RNLS: variants seen among roughly 807,000 people sequenced by gnomAD.
RNLS encodes the protein renalase, FAD dependent amine oxidase.
Under a neutral mutation model 39.8 loss-of-function variants are expected in RNLS, and 39 were observed. The observed-to-expected ratio is 0.98, with a 90% CI of 0.76 to 1.28. The LOEUF is 1.28. RNLS is among the 50% of genes most tolerant of loss of function. The probability of loss-of-function intolerance (pLI) is 0.00; values close to 1 mark genes in which losing one functional copy is unlikely to be tolerated. For synonymous variants in RNLS, 147 were observed against 150.7 expected, an observed-to-expected ratio of 0.98 and a Z score of 0.18; for missense variants, 410 against 413.3, an observed-to-expected ratio of 0.99 and a Z score of 0.07.
At chr10:88,241,145 G>A in the RNLS span, among the ~76,000 whole-genome samples, 193 of 149,972 alleles carry the variant, frequency 1.3e-3, 1 homozygote, top group Admixed American at 3.0e-3. Flanking sequence ...GTACTTTTCC[G>A]GGTTTGACAT....
intron 4 of RNLS, among the ~76,000 whole-genome samples, chr10:88,384,029 T>C (rs754947420): frequency 2.0e-5 from 3 of 152,178 alleles, no homozygotes; most frequent in African/African-American, 7.2e-5. Context: ...ACTATTATTA[T>C]CAAATTTTCC....
At chr10:88,304,259 A>G (rs1292704809) in intron 6 of RNLS, among the ~76,000 whole-genome samples, 1 of 152,254 alleles carries the variant, frequency 6.6e-6, no homozygotes, top group Admixed American at 6.5e-5. Context: ...AATCAGTGCA[A>G]GAACCCTGAA....
chr10:88,215,320 A>G, the RNLS span, among the ~76,000 whole-genome samples: 1 of 152,154 alleles, frequency 6.6e-6, no homozygotes, highest in Non-Finnish European at 1.5e-5. Flanking sequence ...GAGGAAACCA[A>G]GGCTAAGAAA....
chr10:88,496,961 C>T (rs1479625884), intron 4 of RNLS, among the ~76,000 whole-genome samples: 1 of 151,774 alleles, frequency 6.6e-6, no homozygotes, highest in Non-Finnish European at 1.5e-5. Context: ...GTTTGAGAAC[C>T]TCTAATTGAA....
intron 5 of RNLS, among the ~76,000 whole-genome samples, chr10:88,335,687 C>T (rs1015118443): frequency 6.6e-6 from 1 of 152,172 alleles, no homozygotes; most frequent in Non-Finnish European, 1.5e-5. Context: ...AGTGGTAACG[C>T]AGATTTAATT....
At chr10:88,556,870 C>T (rs1848904181) in intron 4 of RNLS, among the ~76,000 whole-genome samples, 1 of 152,066 alleles carries the variant, frequency 6.6e-6, no homozygotes, top group South Asian at 2.1e-4. Context: ...TCAGCATGTA[C>T]CATCATTTCA....
intron 5 of RNLS, among the ~76,000 whole-genome samples, chr10:88,352,410 G>A (rs1256783489): frequency 6.6e-6 from 1 of 152,162 alleles, no homozygotes; most frequent in East Asian, 1.9e-4. Context: ...TTAGCATGAA[G>A]GGTTGTTGAA....
intron 5 of RNLS, among the ~76,000 whole-genome samples, chr10:88,338,680 C>A (rs543976744): frequency 1.3e-5 from 2 of 151,438 alleles, no homozygotes; most frequent in Non-Finnish European, 2.9e-5. Context: ...TTCCTAATAA[C>A]TTGAGTTATC....
the RNLS span, among the ~76,000 whole-genome samples, chr10:88,216,074 G>C: frequency 2.6e-5 from 4 of 152,156 alleles, no homozygotes; most frequent in Non-Finnish European, 5.9e-5. Context: ...TGATTAAAAT[G>C]AGTTGGAAAT....
intron 4 of RNLS, among the ~76,000 whole-genome samples, chr10:88,494,588 T>C (rs2134079382): frequency 6.6e-6 from 1 of 152,302 alleles, no homozygotes; most frequent in East Asian, 1.9e-4. Flanking sequence ...TGTTAAGTTT[T>C]TCTGAATATG....
rs757902644 is a variant in RNLS at position 88,365,579 on chromosome 10, ATATAT to A, written c.527-2859_527-2855del. On this transcript the variant is annotated intron_variant, in intron 4 of 6. Coordinates refer to ENST00000331772, the MANE Select transcript of RNLS (RefSeq NM_001031709.3). ...CACGTACGTATATGTAGGATATGTTATATATTATATATAACATATCTTACACATAC... is the reference window on the plus strand; with the variant it reads ...CACGTACGTATATGTAGGATATGTTATATATATAACATATCTTACACATAC... 2.7e-4 allele frequency among the ~76,000 whole-genome samples: 39 copies of A among 146,360 alleles called. 1 individual carries two copies. Among genetic ancestry groups the A allele is most frequent in the Admixed American group, 2.3e-3 (34 of 14,970 alleles).
chr10:88,394,807 A>G (rs1852448552), intron 4 of RNLS, among the ~76,000 whole-genome samples: 1 of 152,230 alleles, frequency 6.6e-6, no homozygotes, highest in Non-Finnish European at 1.5e-5. Flanking sequence ...ATGTCCAACA[A>G]TGATAGACTG....
At chr10:88,267,994 C>G in the RNLS span, among the ~76,000 whole-genome samples, 3 of 152,150 alleles carry the variant, frequency 2.0e-5, no homozygotes, top group Non-Finnish European at 2.9e-5. Context: ...TTTTCATAAA[C>G]AGAAAGGTTC....
chr10:88,308,998 C>T (rs968244799), intron 6 of RNLS, among the ~76,000 whole-genome samples: 2 of 152,162 alleles, frequency 1.3e-5, no homozygotes, highest in Non-Finnish European at 2.9e-5. Context: ...GGGGGCCATT[C>T]TCCTTAGCAA....
intron 5 of RNLS, 98 bp from the exon 6 acceptor site, chr10:88,314,739 T>A (rs1227296293): frequency 9.9e-7 from 1 of 1,014,822 alleles, no homozygotes; most frequent in Non-Finnish European, 1.4e-6. Flanking sequence ...ATCACAATAA[T>A]CAAGCAATAA....
At chr10:88,324,518 G>A (rs1269005889) in intron 5 of RNLS, among the ~76,000 whole-genome samples, 1 of 151,114 alleles carries the variant, frequency 6.6e-6, no homozygotes, top group Non-Finnish European at 1.5e-5. Context: ...ATGATATAAA[G>A]ATGGAAAGAA....
At chr10:88,432,270 G>A (rs1855180293) in intron 4 of RNLS, among the ~76,000 whole-genome samples, 1 of 151,624 alleles carries the variant, frequency 6.6e-6, no homozygotes, top group Non-Finnish European at 1.5e-5. Context: ...TGTTTATATA[G>A]CCACTTCAGC....
At chr10:88,444,883 T>C (rs945318855) in intron 4 of RNLS, among the ~76,000 whole-genome samples, 5 of 152,074 alleles carry the variant, frequency 3.3e-5, no homozygotes, top group Admixed American at 1.3e-4. Flanking sequence ...TGGAACCAAG[T>C]TGGAAAACAC....
At chr10:88,489,317 G>T (rs1589883345) in intron 4 of RNLS, among the ~76,000 whole-genome samples, 1 of 152,112 alleles carries the variant, frequency 6.6e-6, no homozygotes, top group South Asian at 2.1e-4. Context: ...CTTCTGAGAG[G>T]ACTGCTTTTG....
Sources: gnomAD v4.1 joint callset for allele counts (sites outside exome capture counted in the v4.1 genomes callset) on GRCh38, gnomAD v4.1.1 for gene constraint, MANE v1.5 for transcripts, NCBI Gene and HGNC (gene_info 2026-07-23, HGNC 2026-07-21) for gene names.